The following BIRC6 variants were observed in gnomAD, a reference collection of about 807,000 sequenced individuals.
The protein encoded by BIRC6 is dual E2 ubiquitin-conjugating enzyme/E3 ubiquitin-protein ligase BIRC6.
A neutral mutation model predicts 503.3 loss-of-function variants in BIRC6; 98 were observed. The observed-to-expected ratio is 0.19, with a 90% CI of 0.17 to 0.23. The LOEUF is 0.23. BIRC6 is among the 10% of genes least tolerant of loss of function. The probability of loss-of-function intolerance (pLI) is 1.00; values close to 1 mark genes in which losing one functional copy is unlikely to be tolerated. For missense variants in BIRC6, 5,360 were observed against 5,806.0 expected (o/e 0.92, Z 2.50); for synonymous variants, 2,240 against 2,078.7 (o/e 1.08, Z -2.11).
intron 61 of BIRC6, among the ~76,000 whole-genome samples, chr2:32,543,030 C>T (rs1424400644): frequency 6.6e-6 from 1 of 152,160 alleles, no homozygotes; most frequent in African/African-American, 2.4e-5. Flanking sequence ...GAGTTCCTGA[C>T]CTCAAGTAAT....
Position 32,415,855 on chromosome 2 carries a change from C to G in BIRC6, c.2564C>G (p.Thr855Arg), listed in dbSNP as rs746810264. The G allele has an allele frequency of 6.2e-7, 1 of 1,613,916 alleles. No individual in the cohort carries two copies. The highest frequency in any genetic ancestry group is 1.1e-5 in the South Asian group (1 of 91,076). The change falls in exon 10 of 74, where the codon ACA (threonine) becomes AGA (arginine). Residue 855 changes from threonine (T) to arginine (R), a missense_variant. Physicochemically the swap from Thr to Arg is moderately conservative, Grantham distance 71. Transcript: ENST00000421745. ...CAACATATCAAAGATCCCCAGGACA[C>G]AATTACCTCGCTCATTTTGCTTCCA... ...KIQHIKDPQD[T>R]ITSLILLPPD...
chr2:32,605,076 T>G (rs2062350806), intron 71 of BIRC6, among the ~76,000 whole-genome samples: 1 of 152,046 alleles, frequency 6.6e-6, no homozygotes, highest in Non-Finnish European at 1.5e-5. Context: ...AGAGACAGGG[T>G]TTCACCATGT....
At position 32,570,733 on chromosome 2, in the gene BIRC6, A is replaced by G. The variant is rs190541183; in HGVS notation, c.13145-4423A>G. On this transcript the variant is annotated intron_variant, in intron 65 of 73. Coordinates refer to ENST00000421745, the MANE Select transcript of BIRC6 (RefSeq NM_016252.4). ...AGGCTGGTCTCGAACTCCTGACCTC[A>G]GGTTTTCCACCCACCTTGGCCTCCC... Among the ~76,000 whole-genome samples the G allele has an allele frequency of 1.2e-3, 176 of 152,060 alleles. 1 individual carries two copies. Among genetic ancestry groups the G allele is most frequent in the African/African-American group, 4.1e-3 (171 of 41,468 alleles).
chr2:32,439,456 T>G (rs762907376), intron 15 of BIRC6, 52 bp from the exon 16 acceptor site: 76 of 1,516,196 alleles, frequency 5.0e-5, no homozygotes, highest in Non-Finnish European at 6.7e-5. Context: ...TGAAAAACAG[T>G]GGAATTTATT....
rs138356870 is a variant in BIRC6, at chr2:32,531,298, A to C, written c.12095-57A>C. 8.8e-4 allele frequency: 1,234 copies of C among 1,404,244 alleles called. 13 individuals carry two copies. The African/African-American group carries it at 0.015, about 17-fold the overall frequency. 87.0% of individuals were successfully genotyped at this position (1,404,244 alleles called of 1,614,324 possible). On this transcript the variant is annotated intron_variant, in intron 60 of 73. Coordinates refer to ENST00000421745, the MANE Select transcript of BIRC6 (RefSeq NM_016252.4). ...AATACCTGCTTTTGTAAATGAAAGA[A>C]TATTATAAAAATATACCCTTTCTTA... is the stretch of plus-strand genomic sequence containing the variant.
intron 6 of BIRC6, among the ~76,000 whole-genome samples, chr2:32,396,724 G>C (rs895854336): frequency 1.3e-5 from 2 of 151,970 alleles, no homozygotes; most frequent in Admixed American, 6.6e-5. Context: ...TAATAAAATT[G>C]AACATTTTTT....
At chr2:32,437,793 T>G (rs1048892290) in intron 15 of BIRC6, among the ~76,000 whole-genome samples, 2 of 152,234 alleles carry the variant, frequency 1.3e-5, no homozygotes, top group Non-Finnish European at 2.9e-5. Context: ...GCAAGTTTTG[T>G]GCTTTCTTAT....
intron 61 of BIRC6, among the ~76,000 whole-genome samples, chr2:32,536,977 A>C (rs1303924161): frequency 1.3e-5 from 2 of 152,126 alleles, no homozygotes; most frequent in African/African-American, 4.8e-5. Context: ...GGTCCTTCAC[A>C]TCCCTTGTAA....
In BIRC6 at chr2:32,545,732, A is replaced by G. The variant is rs753400885; in HGVS notation, c.12682A>G (p.Thr4228Ala). Residue 4228 changes from threonine (T) to alanine (A), a missense_variant, in exon 63 of 74, where the codon ACT becomes GCT. Transcript: ENST00000421745. ...RSLFSTTPLTTDDGVLLRRMA... is the reference protein window; with the variant it reads ...RSLFSTTPLTADDGVLLRRMA... The stretch of plus-strand genomic sequence containing the variant: ...CTTGTTTAGCACTACACCTTTGACA[A>G]CTGATGATGGTGTACTTCTAAGGCG... 10 of 1,613,656 alleles carry G rather than the reference A, an allele frequency of 6.2e-6. No homozygotes were observed. Among genetic ancestry groups the G allele is most frequent in the East Asian group, 4.5e-5 (2 of 44,884 alleles).
At chr2:32,421,790 A>G (rs887893157) in intron 10 of BIRC6, among the ~76,000 whole-genome samples, 1 of 152,204 alleles carries the variant, frequency 6.6e-6, no homozygotes, top group African/African-American at 2.4e-5. Context: ...TGTGCACTTG[A>G]AAAGAATTTG....
chr2:32,499,423 C>T (rs1003501866), intron 45 of BIRC6, 124 bp from the exon 46 acceptor site: 1 of 838,102 alleles, frequency 1.2e-6, no homozygotes, highest in Non-Finnish European at 1.7e-6. Context: ...ATTTGTTTAA[C>T]TTTCTTGTAT....
intron 57 of BIRC6, among the ~76,000 whole-genome samples, chr2:32,521,365 CAAAAAAAAAAAAAAAAA>C (rs35410265): frequency 1.4e-4 from 3 of 21,506 alleles, no homozygotes; most frequent in Non-Finnish European, 2.4e-4. Flanking sequence ...GACCTCATCT[CAAAAAAAAAAAAAAAAA>C]AAAAAAAAAA....
chr2:32,580,133 TA>T (rs1201994268), intron 66 of BIRC6, among the ~76,000 whole-genome samples: 1 of 152,116 alleles, frequency 6.6e-6, no homozygotes, highest in African/African-American at 2.4e-5. Flanking sequence ...TTTGTATTTT[TA>T]GTAGAGACGG....
rs913289674 is a variant in BIRC6 at position 32,556,193 on chromosome 2, G to A, written c.13144+6712G>A. On this transcript the variant is annotated intron_variant, in intron 65 of 73. Transcript: ENST00000421745. ...TTCATTTTTGTCAAGGGCATCCAAT[G>A]TGGAAATGACTTTGGTATAGAATAT... Among the ~76,000 whole-genome samples the A allele has an allele frequency of 3.9e-5, 6 of 152,172 alleles. No homozygotes were observed. The South Asian group carries it at 6.2e-4, about 16-fold the overall frequency.
chr2:32,372,740 G>A (rs2036163490), intron 1 of BIRC6, among the ~76,000 whole-genome samples: 1 of 152,034 alleles, frequency 6.6e-6, no homozygotes, highest in Admixed American at 6.6e-5. Context: ...TAAGATGGGA[G>A]GATTACCTGA....
chr2:32,406,455 C>G lies in BIRC6; in HGVS notation c.1419-44C>G, dbSNP rs199750993. On this transcript the variant is annotated intron_variant, in intron 8 of 73. Coordinates refer to ENST00000421745, the MANE Select transcript of BIRC6 (RefSeq NM_016252.4). Reference sequence around the variant, plus strand: ...TCTTTGCTTTCTCATATGATGTATACTTTTTTTGAAATTCAAATTGTTTAC... The same window carrying G: ...TCTTTGCTTTCTCATATGATGTATAGTTTTTTTGAAATTCAAATTGTTTAC... 3.4e-6 allele frequency: 5 copies of G among 1,461,296 alleles called. No individual in the cohort carries two copies. In the Admixed American group the frequency reaches 7.1e-5, roughly 21 times the overall value. 90.5% of individuals were successfully genotyped at this position (1,461,296 alleles called of 1,614,324 possible).
intron 45 of BIRC6, among the ~76,000 whole-genome samples, chr2:32,498,564 A>G (rs1429093460): frequency 6.6e-6 from 1 of 150,958 alleles, no homozygotes; most frequent in Non-Finnish European, 1.5e-5. Flanking sequence ...CCTTTTTTTT[A>G]TTTTTTATTT....
intron 3 of BIRC6, among the ~76,000 whole-genome samples, 183 bp from the exon 4 acceptor site, chr2:32,388,567 C>G (rs2038812170): frequency 6.6e-6 from 1 of 151,956 alleles, no homozygotes; most frequent in South Asian, 2.1e-4. Context: ...GGTTCCATAT[C>G]TTGGCTTTTG....
At chr2:32,366,776 A>G (rs1368131789) in intron 1 of BIRC6, among the ~76,000 whole-genome samples, 1 of 151,730 alleles carries the variant, frequency 6.6e-6, no homozygotes, top group East Asian at 1.9e-4. Flanking sequence ...TGAGGCCAGG[A>G]GTTTGAGACC....
Sources: gnomAD v4.1 joint callset for allele counts (sites outside exome capture counted in the v4.1 genomes callset) on GRCh38, gnomAD v4.1.1 for gene constraint, MANE v1.5 for transcripts, NCBI Gene and HGNC (gene_info 2026-07-23, HGNC 2026-07-21) for gene names.